TTC29: variants seen among roughly 807,000 people sequenced by gnomAD.
TTC29 encodes tetratricopeptide repeat protein 29.
Under a neutral mutation model 58.1 loss-of-function variants are expected in TTC29, and 49 were observed. The ratio of observed to expected loss-of-function variants is 0.84; its 90% CI spans 0.67 to 1.07. The LOEUF (loss-of-function observed/expected upper bound fraction) is 1.07. Ranked by LOEUF, TTC29 falls within the 50% of genes least tolerant of loss-of-function variation. The pLI, the probability that TTC29 is intolerant of heterozygous loss-of-function variation, is 0.00. For synonymous variants in TTC29, 209 were observed against 196.8 expected (o/e 1.06, Z -0.52); for missense variants, 582 against 555.6 (o/e 1.05, Z -0.48).
intron 11 of TTC29, among the ~76,000 whole-genome samples, chr4:146,749,762 T>C (rs920977927): frequency 6.6e-6 from 1 of 151,958 alleles, no homozygotes; most frequent in Admixed American, 6.6e-5. Context: ...CTGACAAAAG[T>C]CACAGAGAGA....
Position 146,945,086 on chromosome 4 carries a change from C to T in TTC29, c.-53-9G>A, listed in dbSNP as rs1736802647. On this transcript the variant is annotated splice_polypyrimidine_tract_variant and intron_variant, in intron 1 of 12. Coordinates refer to ENST00000325106, the MANE Select transcript of TTC29 (RefSeq NM_031956.4). ...GGCTTATAGACTTCAGCCTGAAAAT[C>T]AGGAAGCAAAGAATAATAGCAAAGA... 1 of 152,140 alleles carries T rather than the reference C, an allele frequency of 6.6e-6. No individual in the cohort carries two copies. The allele number at this position is 152,140 out of a possible 1,614,324, so 9.4% of individuals were successfully genotyped here.
At chr4:146,780,723 GT>G (rs1033327812) in intron 11 of TTC29, among the ~76,000 whole-genome samples, 18 of 151,964 alleles carry the variant, frequency 1.2e-4, no homozygotes, top group South Asian at 6.2e-4. Context: ...AACTGTACCA[GT>G]TTTTTTCACA....
rs577564366 is a variant in TTC29, at chr4:146,818,682, C to G, written c.1101+1443G>C. On this transcript the variant is annotated intron_variant, in intron 10 of 12. Coordinates refer to ENST00000325106, the MANE Select transcript of TTC29 (RefSeq NM_031956.4). ...CACAATAGCAAAGACTTGGAACCAACCCAAATGTCCAACAATGATAGACTG... is the reference window on the plus strand; with the variant it reads ...CACAATAGCAAAGACTTGGAACCAAGCCAAATGTCCAACAATGATAGACTG... 1.2e-3 allele frequency among the ~76,000 whole-genome samples: 183 copies of G among 152,272 alleles called. 3 individuals are homozygous for G. Among genetic ancestry groups the G allele is most frequent in the African/African-American group, 4.2e-3 (175 of 41,524 alleles).
chr4:146,773,872 C>T (rs1336097290), intron 11 of TTC29, among the ~76,000 whole-genome samples: 2 of 151,730 alleles, frequency 1.3e-5, no homozygotes, highest in African/African-American at 4.8e-5. Flanking sequence ...CCATCTGGTC[C>T]TGGGTTTCTT....
chr4:146,905,296 C>T (rs1733445857), intron 5 of TTC29, among the ~76,000 whole-genome samples: 1 of 149,856 alleles, frequency 6.7e-6, no homozygotes, highest in African/African-American at 2.4e-5. Flanking sequence ...GTAAGTAAAA[C>T]ATTTCATATT....
chr4:146,796,570 T>A (rs944444183), intron 11 of TTC29, among the ~76,000 whole-genome samples: 5 of 151,866 alleles, frequency 3.3e-5, no homozygotes, highest in African/African-American at 4.8e-5. Flanking sequence ...TGAAAAAAAA[T>A]TTTAGATTTT....
At chr4:146,818,117 A>T (rs1751546527) in intron 10 of TTC29, among the ~76,000 whole-genome samples, 2 of 152,236 alleles carry the variant, frequency 1.3e-5, no homozygotes, top group South Asian at 2.1e-4. Flanking sequence ...TCTGCACAGA[A>T]AAAGAAACTA....
intron 7 of TTC29, among the ~76,000 whole-genome samples, chr4:146,869,485 T>G (rs1458550904): frequency 6.6e-6 from 1 of 152,150 alleles, no homozygotes; most frequent in African/African-American, 2.4e-5. Context: ...GCCCTAACTT[T>G]TTCTCTGGTA....
intron 6 of TTC29, among the ~76,000 whole-genome samples, chr4:146,892,847 A>C (rs556652948): frequency 6.6e-6 from 1 of 152,214 alleles, no homozygotes. Context: ...CTCAGGATAC[A>C]AAATCAGTGT....
At chr4:146,744,357 C>A (rs934118461) in intron 11 of TTC29, among the ~76,000 whole-genome samples, 3 of 151,264 alleles carry the variant, frequency 2.0e-5, no homozygotes, top group Admixed American at 6.6e-5. Flanking sequence ...CACAGTGAGA[C>A]CCCCATCTCT....
chr4:146,729,923 C>G (rs1033417690), intron 11 of TTC29, among the ~76,000 whole-genome samples: 1 of 151,898 alleles, frequency 6.6e-6, no homozygotes, highest in Non-Finnish European at 1.5e-5. Flanking sequence ...ATGGGGATTA[C>G]CATTAGAGAT....
chr4:146,782,906 A>G (rs1158408345), intron 11 of TTC29, among the ~76,000 whole-genome samples: 1 of 152,012 alleles, frequency 6.6e-6, no homozygotes, highest in African/African-American at 2.4e-5. Flanking sequence ...GATAACTAGA[A>G]AAGACCTTGT....
At chr4:146,891,930 A>G in intron 6 of TTC29, among the ~76,000 whole-genome samples, 1 of 152,166 alleles carries the variant, frequency 6.6e-6, no homozygotes, top group Admixed American at 6.6e-5. Flanking sequence ...TCTTGGGGAA[A>G]GCAGTTCAGG....
chr4:146,801,606 G>GA (rs74955470), intron 11 of TTC29, among the ~76,000 whole-genome samples: 9,426 of 147,672 alleles, frequency 0.064, 390 homozygotes, highest in Admixed American at 0.13. Context: ...AGTCCTGTTG[G>GA]AAAAAAAAAT....
intron 11 of TTC29, among the ~76,000 whole-genome samples, chr4:146,719,013 T>G (rs899312725): frequency 6.6e-6 from 1 of 152,178 alleles, no homozygotes; most frequent in Non-Finnish European, 1.5e-5. Context: ...CAATTGACCA[T>G]ACACACATGT....
At chr4:146,748,206 A>G (rs1745692770) in intron 11 of TTC29, among the ~76,000 whole-genome samples, 1 of 152,084 alleles carries the variant, frequency 6.6e-6, no homozygotes. Context: ...TTCCCTGGAG[A>G]TACACCAGTG....
chr4:146,734,765 A>G (rs900881158), intron 11 of TTC29, among the ~76,000 whole-genome samples: 1 of 152,096 alleles, frequency 6.6e-6, no homozygotes. Flanking sequence ...ACGGTTTGAG[A>G]GAGTTTTTCC....
At chr4:146,771,228 C>G (rs1351663152) in intron 11 of TTC29, among the ~76,000 whole-genome samples, 1 of 151,980 alleles carries the variant, frequency 6.6e-6, no homozygotes, top group Non-Finnish European at 1.5e-5. Flanking sequence ...AGGTTTTAGT[C>G]AAAGACTATA....
At chr4:146,711,162 CT>C (rs1213598462) in intron 11 of TTC29, among the ~76,000 whole-genome samples, 1 of 152,046 alleles carries the variant, frequency 6.6e-6, no homozygotes, top group Non-Finnish European at 1.5e-5. Context: ...GACTAGACCC[CT>C]GGTAATGGAT....
Sources: gnomAD v4.1 joint callset for allele counts (sites outside exome capture counted in the v4.1 genomes callset) on GRCh38, gnomAD v4.1.1 for gene constraint, MANE v1.5 for transcripts, NCBI Gene and HGNC (gene_info 2026-07-23, HGNC 2026-07-21) for gene names.